CCDC85C: variants seen among roughly 807,000 people sequenced by gnomAD.
CCDC85C encodes coiled-coil domain containing 85C.
Under a neutral mutation model 38.3 loss-of-function variants are expected in CCDC85C, and 18 were observed. The ratio of observed to expected loss-of-function variants is 0.47; its 90% CI spans 0.33 to 0.70. CCDC85C has a LOEUF of 0.70. CCDC85C is among the 30% of genes least tolerant of loss of function. CCDC85C has a pLI of 0.03. For missense variants in CCDC85C, 566 were observed against 621.2 expected (o/e 0.91, Z 0.94); for synonymous variants, 264 against 293.8 (o/e 0.90, Z 1.04).
At position 99,588,922 on chromosome 14, in the gene CCDC85C, T is replaced by G. The variant is rs1322564301; in HGVS notation, c.793+14245A>C. Among the ~76,000 whole-genome samples, 6 of 152,034 alleles carry G rather than the reference T, an allele frequency of 3.9e-5. No individual in the cohort carries two copies. The highest frequency in any genetic ancestry group is 1.4e-4 in the African/African-American group (6 of 41,384). ...AGCACCATGGATGTGAACCAACTGC[T>G]TCACCTCATATGTGGGTAAACTGAG... On this transcript the variant is annotated intron_variant, in intron 1 of 5. Transcript: ENST00000380243. This position sits in a 1 kb window ranked among gnomAD's most constrained non-coding sequence, Gnocchi z 5.0.
chr14:99,588,610 G>A lies in CCDC85C; in HGVS notation c.793+14557C>T, dbSNP rs536918462. ...CCTGAGGAAGCGAGCTGGGGAGAGGGAAGCCTGGCACAGGTGGTGGCAAAG... is the reference window on the plus strand; with the variant it reads ...CCTGAGGAAGCGAGCTGGGGAGAGGAAAGCCTGGCACAGGTGGTGGCAAAG... On this transcript the variant is annotated intron_variant, in intron 1 of 5. Transcript: ENST00000380243. The surrounding 1 kb of genome is among the most constrained non-coding windows in gnomAD (Gnocchi z 5.0). Among the ~76,000 whole-genome samples, 1 of 152,232 alleles carries A rather than the reference G, an allele frequency of 6.6e-6. No homozygotes were observed. Among genetic ancestry groups the A allele is most frequent in the East Asian group, 1.9e-4 (1 of 5,144 alleles).
chr14:99,551,701 G>GTGGGTGAGCAGGTGGGTGGGCAGA (rs1595358824), intron 1 of CCDC85C, among the ~76,000 whole-genome samples: 1 of 151,820 alleles, frequency 6.6e-6, no homozygotes, highest in African/African-American at 2.4e-5. Context: ...GAGTGTGCAG[G>GTGGGTGAGCAGGTGGGTGGGCAGA]TGGGTGAGCA....
intron 1 of CCDC85C, among the ~76,000 whole-genome samples, chr14:99,562,141 C>G (rs1898129272): frequency 6.6e-6 from 1 of 152,162 alleles, no homozygotes; most frequent in South Asian, 2.1e-4. Flanking sequence ...AAAGGCCACC[C>G]TTCCACAAAA....
Position 99,603,472 on chromosome 14 carries a change from G to A in CCDC85C, c.488C>T (p.Ala163Val). Reference protein sequence around the residue: ...EERAALAATGAASGGGGGGGG... With the variant: ...EERAALAATGVASGGGGGGGG... ...CCCGCCGCCGCCGCCACCGCTTGCG[G>A]CCCCCGTCGCCGCCAGTGCCGCGCG... The change falls in exon 1 of 6, where the codon GCC (alanine) becomes GTC (valine). Residue 163 changes from alanine to valine, a missense_variant. Physicochemically the swap from Ala to Val is moderately conservative, Grantham distance 64 (BLOSUM62 0). Transcript: ENST00000380243. The surrounding 1 kb of genome is among the most constrained non-coding windows in gnomAD (Gnocchi z 7.5). The A allele has an allele frequency of 7.8e-7, 1 of 1,285,568 alleles. No homozygotes were observed. Among genetic ancestry groups the A allele is most frequent in the Non-Finnish European group, 9.8e-7 (1 of 1,023,234 alleles). The allele number at this position is 1,285,568 out of a possible 1,614,324, so 79.6% of individuals were successfully genotyped here.
rs1285667803 is a variant in CCDC85C, at chr14:99,548,191, G to A, written c.794-12103C>T. Reference sequence around the variant, plus strand: ...TGTGTAAGTCCCCTCCCAGATAAAGGATCATACCCAGAATCCCTAACATCA... The same window carrying A: ...TGTGTAAGTCCCCTCCCAGATAAAGAATCATACCCAGAATCCCTAACATCA... On this transcript the variant is annotated intron_variant, in intron 1 of 5. Transcript: ENST00000380243. The surrounding 1 kb of genome is among the most constrained non-coding windows in gnomAD (Gnocchi z 4.9). Among the ~76,000 whole-genome samples, 1 of 151,924 alleles carries A rather than the reference G, an allele frequency of 6.6e-6. No homozygotes were observed. Among genetic ancestry groups the A allele is most frequent in the African/African-American group, 2.4e-5 (1 of 41,348 alleles).
chr14:99,532,529 T>C (rs1381746500), intron 2 of CCDC85C, among the ~76,000 whole-genome samples: 1 of 152,134 alleles, frequency 6.6e-6, no homozygotes, highest in Non-Finnish European at 1.5e-5. Context: ...AGTGCCCACT[T>C]CTCAGATGAG....
chr14:99,588,268 C>T lies in CCDC85C; in HGVS notation c.793+14899G>A, dbSNP rs1158527657. ...GGATGCAGCTGGCATGGTGGTACAC[C>T]AGCACCTTTCTGAGTTAAACATTGG... is the stretch of plus-strand genomic sequence containing the variant. On this transcript the variant is annotated intron_variant, in intron 1 of 5. Coordinates refer to ENST00000380243, the MANE Select transcript of CCDC85C (RefSeq NM_001144995.2). This position sits in a 1 kb window ranked among gnomAD's most constrained non-coding sequence, Gnocchi z 5.0. 1.3e-5 allele frequency among the ~76,000 whole-genome samples: 2 copies of T among 152,038 alleles called. No individual in the cohort carries two copies. Among genetic ancestry groups the T allele is most frequent in the Admixed American group, 6.5e-5 (1 of 15,278 alleles).
intron 2 of CCDC85C, chr14:99,522,482 G>A: frequency 2.4e-6 from 1 of 414,764 alleles, no homozygotes; most frequent in Non-Finnish European, 4.4e-6. Context: ...TTGTTGGATG[G>A]CTGAATAAAC....
intron 1 of CCDC85C, among the ~76,000 whole-genome samples, chr14:99,563,659 G>T (rs10136236): frequency 0.43 from 65,995 of 152,198 alleles, 15,051 homozygotes; most frequent in Middle Eastern, 0.52. Flanking sequence ...CCCACGAGGC[G>T]GGCAGAAGGC....
At chr14:99,515,836 C>T (rs1897215526) in intron 5 of CCDC85C, among the ~76,000 whole-genome samples, 1 of 152,020 alleles carries the variant, frequency 6.6e-6, no homozygotes, top group Non-Finnish European at 1.5e-5. Context: ...ACAGGGGGCA[C>T]CAGCAAGCTG....
chr14:99,534,563 C>T (rs1228791817), intron 2 of CCDC85C: 1 of 696,948 alleles, frequency 1.4e-6, no homozygotes, highest in Non-Finnish European at 2.6e-6. Context: ...CCTGCCACCA[C>T]CCAGAGGCAG....
chr14:99,586,656 G>C (rs1397267350), intron 1 of CCDC85C, among the ~76,000 whole-genome samples: 2 of 152,166 alleles, frequency 1.3e-5, no homozygotes, highest in Non-Finnish European at 2.9e-5. Context: ...TAGAAAGAAG[G>C]CTCTTTAATG....
rs1329235269 is a variant in CCDC85C, at chr14:99,588,184, A to G, written c.793+14983T>C. Among the ~76,000 whole-genome samples the G allele has an allele frequency of 3.3e-5, 5 of 152,114 alleles. No individual in the cohort carries two copies. The highest frequency in any genetic ancestry group is 7.3e-5 in the Non-Finnish European group (5 of 68,038). On this transcript the variant is annotated intron_variant, in intron 1 of 5. Coordinates refer to ENST00000380243, the MANE Select transcript of CCDC85C (RefSeq NM_001144995.2). This position sits in a 1 kb window ranked among gnomAD's most constrained non-coding sequence, Gnocchi z 5.0. ...GGAGACAAGCATCTCAGCCGAACAC[A>G]ACAGTCACCCTGGGACAGTCTTTCC...
chr14:99,543,502 G>A (rs1897752040), intron 1 of CCDC85C, among the ~76,000 whole-genome samples: 1 of 152,144 alleles, frequency 6.6e-6, no homozygotes, highest in Non-Finnish European at 1.5e-5. Flanking sequence ...CAGGAGAGAG[G>A]GGCAGAGAAC....
Position 99,512,455 on chromosome 14 carries a change from CTT to C in CCDC85C, c.*2789_*2790del, listed in dbSNP as rs917739500. On this transcript the variant is annotated 3_prime_UTR_variant, in exon 6 of 6. Transcript: ENST00000380243. Reference sequence around the variant, plus strand: ...AAAAAAAAAAATCAGTAGTATGTATCTTGTTTCCTCAAGTTTCAAGAAAAAAA... The same window carrying C: ...AAAAAAAAAAATCAGTAGTATGTATCGTTTCCTCAAGTTTCAAGAAAAAAA... 1 of 151,864 alleles carries C rather than the reference CTT, an allele frequency of 6.6e-6. No homozygotes were observed. The highest frequency in any genetic ancestry group is 1.5e-5 in the Non-Finnish European group (1 of 67,982). 9.4% of individuals were successfully genotyped at this position (151,864 alleles called of 1,614,324 possible).
intron 1 of CCDC85C, among the ~76,000 whole-genome samples, chr14:99,551,302 G>A (rs993037861): frequency 4.6e-5 from 7 of 152,324 alleles, no homozygotes; most frequent in African/African-American, 1.7e-4. Context: ...ACACGGGATT[G>A]GAGGCAGTGG....
chr14:99,518,297 G>A lies in CCDC85C; in HGVS notation c.976-1114C>T, dbSNP rs539157759. Among the ~76,000 whole-genome samples, 42 of 148,064 alleles carry A rather than the reference G, an allele frequency of 2.8e-4. 1 individual carries two copies. The highest frequency in any genetic ancestry group is 9.2e-4 in the African/African-American group (37 of 40,398). On this transcript the variant is annotated intron_variant, in intron 3 of 5. Transcript: ENST00000380243. Reference sequence around the variant, plus strand: ...GCTCCCAGGGCCTTGCAGGTTGACCGGCTCCCGCCTCCACATGGAGACCAG... The same window carrying A: ...GCTCCCAGGGCCTTGCAGGTTGACCAGCTCCCGCCTCCACATGGAGACCAG...
In CCDC85C at chr14:99,510,976, TAGCC is replaced by T; in HGVS notation, c.*4266_*4269del. 2.4e-6 allele frequency: 1 copy of T among 422,926 alleles called. No individual in the cohort carries two copies. The highest frequency in any genetic ancestry group is 4.0e-6 in the Non-Finnish European group (1 of 247,480). 26.2% of individuals were successfully genotyped at this position (422,926 alleles called of 1,614,324 possible). A position where few individuals can be genotyped will look rare whatever the true frequency, so the allele number is the denominator to read the frequency against. On this transcript the variant is annotated 3_prime_UTR_variant, in exon 6 of 6. Coordinates refer to ENST00000380243, the MANE Select transcript of CCDC85C (RefSeq NM_001144995.2). ...GGACGGGGACAACCAGCTTTCAGAG[TAGCC>T]TCATCAGTGCCCTTGCAGTCTGACT...
intron 1 of CCDC85C, among the ~76,000 whole-genome samples, chr14:99,542,514 C>T (rs931277338): frequency 6.6e-6 from 1 of 152,214 alleles, no homozygotes; most frequent in African/African-American, 2.4e-5. Flanking sequence ...CAGGCCCCCC[C>T]AGTTTACAGA....
Sources: gnomAD v4.1 joint callset for allele counts (sites outside exome capture counted in the v4.1 genomes callset) on GRCh38, gnomAD v4.1.1 for gene constraint, Gnocchi (gnomAD v3.1) non-coding constraint, MANE v1.5 for transcripts, NCBI Gene and HGNC (gene_info 2026-07-23, HGNC 2026-07-21) for gene names.